The following PRKCA variants were observed in gnomAD, a reference collection of about 807,000 sequenced individuals.
PRKCA encodes protein kinase C alpha type.
In PRKCA, 27 loss-of-function variants were observed where a neutral mutation model predicts 87.0. The observed-to-expected ratio is 0.31, with a 90% CI of 0.23 to 0.43. The LOEUF (loss-of-function observed/expected upper bound fraction) is 0.43, where lower values mean the gene tolerates loss of function less well. Among genes scored for constraint, PRKCA ranks in the 20% least tolerant of loss-of-function variants. The pLI is 1.00. For missense variants in PRKCA, 518 were observed against 852.3 expected (o/e 0.61, Z 4.88); for synonymous variants, 329 against 311.1 (o/e 1.06, Z -0.61).
Position 66,810,448 on chromosome 17 carries a change from A to G in PRKCA, c.*6411A>G, listed in dbSNP as rs1264293346. ...TACATGATTTGTGTGTGTGAAGGAC[A>G]TACCACGTTTAAATCATTAATTGAA... On this transcript the variant is annotated 3_prime_UTR_variant, in exon 17 of 17. Transcript: ENST00000413366. 1 of 152,246 alleles carries G rather than the reference A, an allele frequency of 6.6e-6. No individual in the cohort carries two copies. The highest frequency in any genetic ancestry group is 6.5e-5 in the Admixed American group (1 of 15,288). 9.4% of individuals were successfully genotyped at this position (152,246 alleles called of 1,614,324 possible).
intron 13 of PRKCA, among the ~76,000 whole-genome samples, chr17:66,747,398 AT>A (rs1352222629): frequency 6.6e-5 from 10 of 152,196 alleles, no homozygotes; most frequent in Admixed American, 6.5e-4. Flanking sequence ...CAAGTGTGCC[AT>A]GTAGAGTCTT....
At position 66,461,219 on chromosome 17, in the gene PRKCA, AAAAAG is replaced by A. The variant is rs998205991; in HGVS notation, c.206-34972_206-34968del. Among the ~76,000 whole-genome samples, 108 of 151,752 alleles carry A rather than the reference AAAAAG, an allele frequency of 7.1e-4. 1 individual carries two copies. The South Asian group carries it at 0.021, about 30-fold the overall frequency. ...AGACCCCATCTCAAAAAAAAAAAAA[AAAAAG>A]AAAAGAAAATCACATCCCAATCCTA... On this transcript the variant is annotated intron_variant, in intron 2 of 16. Coordinates refer to ENST00000413366, the MANE Select transcript of PRKCA (RefSeq NM_002737.3).
chr17:66,510,357 G>C (rs896666992), intron 3 of PRKCA, among the ~76,000 whole-genome samples: 1 of 152,184 alleles, frequency 6.6e-6, no homozygotes, highest in Admixed American at 6.5e-5. Context: ...GATGCCCACT[G>C]AACTGTGCCT....
intron 5 of PRKCA, among the ~76,000 whole-genome samples, chr17:66,682,083 A>G (rs1972509577): frequency 1.3e-5 from 2 of 152,294 alleles, no homozygotes; most frequent in African/African-American, 4.8e-5. Context: ...ATCTGCCTGT[A>G]TCCCCACTCC....
intron 5 of PRKCA, among the ~76,000 whole-genome samples, chr17:66,659,289 C>T (rs891424518): frequency 5.9e-5 from 9 of 152,172 alleles, no homozygotes; most frequent in Non-Finnish European, 1.3e-4. Flanking sequence ...GTTGGAACAT[C>T]ACATCTTGTT....
rs751314696 is a variant in PRKCA, at chr17:66,732,832, G to A, written c.1056+7G>A. ...AAAGGGGAGTTTTGGAAAGGTAAGA[G>A]GACAGTCGTCTGCAAATTGCAGGGG... On this transcript the variant is annotated splice_region_variant and intron_variant, in intron 9 of 16. Coordinates refer to ENST00000413366, the MANE Select transcript of PRKCA (RefSeq NM_002737.3). 1 of 1,609,648 alleles carries A rather than the reference G, an allele frequency of 6.2e-7. No individual in the cohort carries two copies. The highest frequency in any genetic ancestry group is 1.1e-5 in the South Asian group (1 of 90,634).
rs1184186222 is a variant in PRKCA, at chr17:66,550,533, C to T, written c.288+54250C>T. ...GTGTGGTGGCGGACATCTGTAGTCT[C>T]AGCTACTCGGGAGGCTGAGGCAGGA... On this transcript the variant is annotated intron_variant, in intron 3 of 16. Coordinates refer to ENST00000413366, the MANE Select transcript of PRKCA (RefSeq NM_002737.3). 1.3e-5 allele frequency among the ~76,000 whole-genome samples: 2 copies of T among 152,072 alleles called. 1 individual carries two copies. The highest frequency in any genetic ancestry group is 3.9e-4 in the East Asian group (2 of 5,180).
chr17:66,314,971 ATG>A (rs1567767687), intron 2 of PRKCA, among the ~76,000 whole-genome samples: 2 of 151,346 alleles, frequency 1.3e-5, no homozygotes, highest in Admixed American at 1.3e-4. Context: ...GTGTGTATAT[ATG>A]TGTGTATGTA....
chr17:66,541,545 A>T (rs903317691), intron 3 of PRKCA, among the ~76,000 whole-genome samples: 2 of 152,240 alleles, frequency 1.3e-5, no homozygotes, highest in African/African-American at 4.8e-5. Context: ...ATCCAGAGGC[A>T]GCAGATGCCA....
intron 3 of PRKCA, among the ~76,000 whole-genome samples, chr17:66,581,711 G>A (rs1284307970): frequency 6.6e-6 from 1 of 152,100 alleles, no homozygotes; most frequent in Non-Finnish European, 1.5e-5. Context: ...TCCTAACCTC[G>A]TGATCTGCCC....
At chr17:66,428,529 A>C (rs1429007942) in intron 2 of PRKCA, among the ~76,000 whole-genome samples, 1 of 150,302 alleles carries the variant, frequency 6.7e-6, no homozygotes, top group Non-Finnish European at 1.5e-5. Flanking sequence ...TTTGAGATAG[A>C]ATCTCGCTCT....
rs1048208253 is a variant in PRKCA at position 66,459,597 on chromosome 17, C to T, written c.206-36604C>T. Among the ~76,000 whole-genome samples the T allele has an allele frequency of 4.6e-5, 7 of 152,090 alleles. No homozygotes were observed. In the South Asian group the frequency reaches 8.3e-4, roughly 18 times the overall value. On this transcript the variant is annotated intron_variant, in intron 2 of 16. Coordinates refer to ENST00000413366, the MANE Select transcript of PRKCA (RefSeq NM_002737.3). Reference sequence around the variant, plus strand: ...TAAAAGTGCCAGATAAATGAGATTCCGCTTGATTTGAGAGCTAAGTTCTAT... The same window carrying T: ...TAAAAGTGCCAGATAAATGAGATTCTGCTTGATTTGAGAGCTAAGTTCTAT...
intron 3 of PRKCA, among the ~76,000 whole-genome samples, chr17:66,507,186 A>G (rs894687502): frequency 1.0e-4 from 16 of 152,404 alleles, no homozygotes; most frequent in Non-Finnish European, 1.9e-4. Context: ...GAAGTCATGT[A>G]TATGAATAAA....
At position 66,653,961 on chromosome 17, in the gene PRKCA, G is replaced by A. The variant is rs1466869181; in HGVS notation, c.529+8450G>A. ...CTCCATGGCTTTGTAGAAGTTTCAT[G>A]AATCCACTAACATCAGCTAATTCTG... On this transcript the variant is annotated intron_variant, in intron 5 of 16. Transcript: ENST00000413366. Among the ~76,000 whole-genome samples the A allele has an allele frequency of 2.6e-5, 4 of 152,200 alleles. No individual in the cohort carries two copies. The East Asian group carries it at 7.7e-4, about 29-fold the overall frequency.
At chr17:66,460,352 A>G (rs1167096188) in intron 2 of PRKCA, among the ~76,000 whole-genome samples, 1 of 151,934 alleles carries the variant, frequency 6.6e-6, no homozygotes, top group Non-Finnish European at 1.5e-5. Flanking sequence ...ACTAGTTTTA[A>G]AACTCAAAGT....
chr17:66,384,265 A>G (rs1350567019), intron 2 of PRKCA, among the ~76,000 whole-genome samples: 2 of 152,168 alleles, frequency 1.3e-5, no homozygotes, highest in African/African-American at 2.4e-5. Context: ...GGTCCTGATT[A>G]TAGTTTACTT....
At chr17:66,692,293 T>G (rs879826715) in intron 8 of PRKCA, among the ~76,000 whole-genome samples, 4 of 152,210 alleles carry the variant, frequency 2.6e-5, no homozygotes, top group Admixed American at 2.6e-4. Context: ...GCTCATTTGC[T>G]TAGAGCATTT....
chr17:66,625,911 C>G (rs1221551512), intron 3 of PRKCA, among the ~76,000 whole-genome samples: 1 of 152,210 alleles, frequency 6.6e-6, no homozygotes, highest in East Asian at 1.9e-4. Flanking sequence ...TCCTTTGACT[C>G]TCCATGGTCG....
At chr17:66,587,903 A>ATG (rs1969670813) in intron 3 of PRKCA, among the ~76,000 whole-genome samples, 1 of 55,654 alleles carries the variant, frequency 1.8e-5, no homozygotes, top group Non-Finnish European at 3.2e-5. Flanking sequence ...GTGTATATAT[A>ATG]TATATATATA....
Sources: gnomAD v4.1 joint callset for allele counts (sites outside exome capture counted in the v4.1 genomes callset) on GRCh38, gnomAD v4.1.1 for gene constraint, MANE v1.5 for transcripts, NCBI Gene and HGNC (gene_info 2026-07-23, HGNC 2026-07-21) for gene names.